Variants in WDR41 observed in about 807,000 individuals in gnomAD.
WDR41 encodes WD repeat-containing protein 41.
WDR41 carries 63 observed loss-of-function variants against 69.3 expected under a neutral mutation model. The ratio of observed to expected loss-of-function variants is 0.91; its 90% CI spans 0.74 to 1.12. The LOEUF (loss-of-function observed/expected upper bound fraction) is 1.12, where lower values mean the gene tolerates loss of function less well. Ranked by LOEUF, WDR41 falls within the 50% of genes most tolerant of loss-of-function variation. The pLI, the probability that WDR41 is intolerant of heterozygous loss-of-function variation, is 0.00. For synonymous variants in WDR41, 185 were observed against 192.1 expected (o/e 0.96, Z 0.31); for missense variants, 543 against 534.5 (o/e 1.02, Z -0.16).
chr5:77,439,426 G>T (rs569047940), intron 9 of WDR41, among the ~76,000 whole-genome samples: 40 of 152,278 alleles, frequency 2.6e-4, no homozygotes, highest in African/African-American at 9.4e-4. Flanking sequence ...CAATGCAGCC[G>T]AGGCCCAATG....
At chr5:77,452,594 AG>A (rs1464568637) in intron 6 of WDR41, 3 of 152,212 alleles carry the variant, frequency 2.0e-5, no homozygotes, top group Admixed American at 2.0e-4. Flanking sequence ...TCATGACATA[AG>A]GATCTAATAA....
intron 1 of WDR41, among the ~76,000 whole-genome samples, chr5:77,501,382 C>T (rs1401811444): frequency 6.6e-6 from 1 of 152,268 alleles, no homozygotes; most frequent in Non-Finnish European, 1.5e-5. Flanking sequence ...GAAGCTCGAA[C>T]TGGGCAGAGC....
At chr5:77,588,516 T>C (rs1580032338) in intron 1 of WDR41, among the ~76,000 whole-genome samples, 1 of 151,828 alleles carries the variant, frequency 6.6e-6, no homozygotes, top group African/African-American at 2.4e-5. Flanking sequence ...TTTCCTTTTT[T>C]GGAAAAAAAA....
intron 1 of WDR41, chr5:77,491,884 G>T (rs113240335): frequency 6.2e-6 from 3 of 480,548 alleles, no homozygotes; most frequent in Non-Finnish European, 3.7e-6. Context: ...TAGGACTGCT[G>T]ACCAGCTGAG....
chr5:77,611,064 A>G (rs534602748), intron 1 of WDR41, among the ~76,000 whole-genome samples: 1 of 152,388 alleles, frequency 6.6e-6, no homozygotes, highest in Admixed American at 6.5e-5. Flanking sequence ...AAACAAGGCC[A>G]TTATATAATG....
intron 2 of WDR41, among the ~76,000 whole-genome samples, chr5:77,480,972 G>A (rs1801209772): frequency 2.0e-5 from 3 of 151,788 alleles, no homozygotes; most frequent in African/African-American, 7.3e-5. Context: ...TGCCCCACTT[G>A]CTTGAGACAA....
At chr5:77,472,042 G>A (rs1012979088) in intron 2 of WDR41, among the ~76,000 whole-genome samples, 45 of 152,122 alleles carry the variant, frequency 3.0e-4, no homozygotes, top group African/African-American at 8.4e-4. Flanking sequence ...CTGGCAAACC[G>A]AATCCAGCAG....
At chr5:77,609,098 G>A (rs913691989) in intron 1 of WDR41, among the ~76,000 whole-genome samples, 1 of 152,190 alleles carries the variant, frequency 6.6e-6, no homozygotes, top group East Asian at 1.9e-4. Flanking sequence ...AGCGAGGCTG[G>A]GGGAGGGGCA....
At chr5:77,616,650 T>C (rs1299459165) in intron 1 of WDR41, among the ~76,000 whole-genome samples, 1 of 152,194 alleles carries the variant, frequency 6.6e-6, no homozygotes, top group African/African-American at 2.4e-5. Context: ...GTAGTTTCTC[T>C]CCTCTTGCAC....
intron 3 of WDR41, among the ~76,000 whole-genome samples, chr5:77,464,490 G>A (rs1020902768): frequency 2.0e-5 from 3 of 151,418 alleles, no homozygotes; most frequent in African/African-American, 7.3e-5. Flanking sequence ...CAAGTTATCC[G>A]TTCGCCTTGG....
Position 77,464,766 on chromosome 5 carries a change from C to T in WDR41, c.211G>A (p.Ala71Thr), listed in dbSNP as rs2151325794. The change falls in exon 3 of 13, where the codon GCC becomes ACC. Residue 71 changes from alanine (A) to threonine (T), a missense_variant. Coordinates refer to ENST00000296679, the MANE Select transcript of WDR41 (RefSeq NM_018268.4). ...GDDGIVVVWN[A>T]QTGEKLLELN... ...CACACATAATCAATACACACCTGGG[C>T]ATTCCACACAACTACAATTCCATCA... is the stretch of plus-strand genomic sequence containing the variant. 2 of 1,613,754 alleles carry T rather than the reference C, an allele frequency of 1.2e-6. No homozygotes were observed. The highest frequency in any genetic ancestry group is 2.2e-5 in the East Asian group (1 of 44,828).
intron 1 of WDR41, chr5:77,545,735 C>G (rs752786354): frequency 5.3e-6 from 3 of 570,068 alleles, no homozygotes; most frequent in Non-Finnish European, 9.1e-6. Flanking sequence ...GGCCAGTGCA[C>G]CAGGTTCAAG....
Position 77,436,287 on chromosome 5 carries a change from A to G in WDR41, c.1201T>C (p.Leu401=), listed in dbSNP as rs139177736. The G allele has an allele frequency of 1.7e-5, 28 of 1,613,912 alleles. No homozygotes were observed. The highest frequency in any genetic ancestry group is 2.4e-5 in the Non-Finnish European group (28 of 1,179,946). The part of the protein sequence containing the change: ...TSCSLELIGD[L]IGHSSSVEMF... Reference sequence around the variant, plus strand: ...TCCACAGATGATGAGTGTCCAATCAAATCTCCAATAAGCTCCAGTGAACAT... The same window carrying G: ...TCCACAGATGATGAGTGTCCAATCAGATCTCCAATAAGCTCCAGTGAACAT... Residue 401 remains leucine (L), a synonymous_variant, in exon 12 of 13, where the codon TTG becomes CTG. Transcript: ENST00000296679.
At chr5:77,562,833 A>G (rs1743551202) in intron 1 of WDR41, among the ~76,000 whole-genome samples, 2 of 152,210 alleles carry the variant, frequency 1.3e-5, no homozygotes, top group Non-Finnish European at 2.9e-5. Context: ...GTGCGTCTGT[A>G]AAGTGACCAA....
intron 2 of WDR41, among the ~76,000 whole-genome samples, chr5:77,483,599 T>A (rs1274570580): frequency 6.6e-6 from 1 of 151,976 alleles, no homozygotes; most frequent in East Asian, 1.9e-4. Flanking sequence ...TGTAGAGCCC[T>A]GATCAATGAA....
intron 7 of WDR41, 101 bp downstream of exon 7, chr5:77,451,190 G>C: frequency 9.6e-7 from 1 of 1,037,264 alleles, no homozygotes; most frequent in Admixed American, 2.0e-5. Context: ...CAAGAGTGGG[G>C]CACACGCAAT....
At chr5:77,484,743 C>A (rs1801434216) in intron 2 of WDR41, among the ~76,000 whole-genome samples, 1 of 152,208 alleles carries the variant, frequency 6.6e-6, no homozygotes, top group Non-Finnish European at 1.5e-5. Flanking sequence ...GACCAACTTA[C>A]AACTATGGAA....
At chr5:77,520,402 G>A (rs917649020) in intron 1 of WDR41, among the ~76,000 whole-genome samples, 3 of 152,106 alleles carry the variant, frequency 2.0e-5, no homozygotes, top group African/African-American at 7.2e-5. Flanking sequence ...TAGGATGTAA[G>A]TACGGTTAGT....
At chr5:77,523,040 G>A (rs1404187315) in intron 1 of WDR41, among the ~76,000 whole-genome samples, 5 of 152,096 alleles carry the variant, frequency 3.3e-5, no homozygotes, top group East Asian at 1.9e-4. Flanking sequence ...TTGGCCAGAC[G>A]CTGTGGCTCA....
Sources: gnomAD v4.1 joint callset for allele counts (sites outside exome capture counted in the v4.1 genomes callset) on GRCh38, gnomAD v4.1.1 for gene constraint, MANE v1.5 for transcripts, NCBI Gene and HGNC (gene_info 2026-07-23, HGNC 2026-07-21) for gene names.